The following LRP1B variants were observed in gnomAD, a reference collection of about 807,000 sequenced individuals.
LRP1B encodes the protein low-density lipoprotein receptor-related protein 1B.
In LRP1B, 217 loss-of-function variants were observed where a neutral mutation model predicts 556.6. The ratio of observed to expected loss-of-function variants is 0.39; its 90% CI spans 0.35 to 0.44. LRP1B has a LOEUF of 0.44. Ranked by LOEUF, LRP1B falls within the 20% of genes least tolerant of loss-of-function variation. LRP1B has a pLI of 1.00. For missense variants in LRP1B, 5,053 were observed against 5,620.8 expected, an observed-to-expected ratio of 0.90 and a Z score of 3.23; for synonymous variants, 2,047 against 1,865.8, an observed-to-expected ratio of 1.10 and a Z score of -2.50.
chr2:140,768,886 TTG>T lies in LRP1B; in HGVS notation c.5758+325_5758+326del, dbSNP rs1689205229. ...TTAGTATATAATAGATCAAAATGCT[TTG>T]TATGTCCTTATATTTATAACTAGAT... On this transcript the variant is annotated intron_variant, in intron 35 of 90. Coordinates refer to ENST00000389484, the MANE Select transcript of LRP1B (RefSeq NM_018557.3). 2.0e-5 allele frequency among the ~76,000 whole-genome samples: 3 copies of T among 152,006 alleles called. No individual in the cohort carries two copies. The South Asian group carries it at 6.2e-4, about 32-fold the overall frequency.
chr2:140,322,134 A>T, intron 81 of LRP1B, 46 bp from the exon 82 acceptor site: 1 of 1,555,250 alleles, frequency 6.4e-7, no homozygotes, highest in Admixed American at 2.0e-5. Context: ...TATAGATACA[A>T]TAGGCTTCAA....
At position 141,723,866 on chromosome 2, in the gene LRP1B, A is replaced by T. The variant is rs1692933016; in HGVS notation, c.205+86413T>A. On this transcript the variant is annotated intron_variant, in intron 2 of 90. Coordinates refer to ENST00000389484, the MANE Select transcript of LRP1B (RefSeq NM_018557.3). The stretch of plus-strand genomic sequence containing the variant: ...ACACTAAAATCAAAAGGAAAAATAT[A>T]TATATATATATTCTTACTCAATCCA... 2.0e-5 allele frequency among the ~76,000 whole-genome samples: 3 copies of T among 151,934 alleles called. No homozygotes were observed. The South Asian group carries it at 6.2e-4, about 31-fold the overall frequency.
At chr2:140,377,649 G>A (rs1207148425) in intron 68 of LRP1B, among the ~76,000 whole-genome samples, 1 of 152,100 alleles carries the variant, frequency 6.6e-6, no homozygotes, top group Non-Finnish European at 1.5e-5. Flanking sequence ...ATTATCCAGA[G>A]GATTTGTAAA....
intron 2 of LRP1B, among the ~76,000 whole-genome samples, chr2:141,664,942 C>G (rs1023693639): frequency 1.3e-5 from 2 of 152,080 alleles, no homozygotes; most frequent in African/African-American, 4.8e-5. Context: ...ATCACACTAC[C>G]CAACTTCAAA....
intron 1 of LRP1B, among the ~76,000 whole-genome samples, chr2:141,882,230 G>C (rs1698980538): frequency 6.6e-6 from 1 of 152,178 alleles, no homozygotes; most frequent in South Asian, 2.1e-4. Context: ...ACGGGTTGGA[G>C]AGCAGGCAGG....
chr2:140,351,261 A>G (rs532941961), intron 76 of LRP1B, among the ~76,000 whole-genome samples: 2 of 151,956 alleles, frequency 1.3e-5, no homozygotes, highest in Admixed American at 6.6e-5. Flanking sequence ...TCTACTGCCA[A>G]TCTTTCCTTA....
intron 35 of LRP1B, among the ~76,000 whole-genome samples, chr2:140,763,677 A>G (rs1419678361): frequency 6.6e-6 from 1 of 152,140 alleles, no homozygotes. Context: ...CATGTTTTGA[A>G]TTTAGAAATT....
At chr2:140,732,821 G>A (rs956123595) in intron 35 of LRP1B, among the ~76,000 whole-genome samples, 1 of 152,058 alleles carries the variant, frequency 6.6e-6, no homozygotes, top group African/African-American at 2.4e-5. Context: ...GAGATAAAAG[G>A]AAAACAAGAT....
intron 2 of LRP1B, among the ~76,000 whole-genome samples, chr2:141,514,316 G>A (rs1684232851): frequency 1.3e-5 from 2 of 152,128 alleles, no homozygotes; most frequent in Non-Finnish European, 2.9e-5. Flanking sequence ...TTAGCCCCTT[G>A]GATTTCTCCC....
rs756350659 is a variant in LRP1B, at chr2:140,492,738, C to A, written c.9035-45G>T. ...ACATATTAGACTTTAAGTATGTATG[C>A]TTTTCCCCTTTGCATAATTTCAGTT... On this transcript the variant is annotated intron_variant, in intron 56 of 90. Coordinates refer to ENST00000389484, the MANE Select transcript of LRP1B (RefSeq NM_018557.3). 5.5e-6 allele frequency: 7 copies of A among 1,281,488 alleles called. No homozygotes were observed. In the East Asian group the frequency reaches 1.6e-4, roughly 30 times the overall value. 79.4% of individuals were successfully genotyped at this position (1,281,488 alleles called of 1,614,324 possible). A position where few individuals can be genotyped will look rare whatever the true frequency, so the allele number is the denominator to read the frequency against.
At chr2:140,762,699 A>G (rs990254645) in intron 35 of LRP1B, among the ~76,000 whole-genome samples, 2 of 152,148 alleles carry the variant, frequency 1.3e-5, no homozygotes. Context: ...GATAAAATGA[A>G]ATTAAAGATC....
chr2:141,719,233 A>C (rs924637047), intron 2 of LRP1B, among the ~76,000 whole-genome samples: 2 of 152,170 alleles, frequency 1.3e-5, no homozygotes, highest in African/African-American at 4.8e-5. Context: ...CACTTTCAAC[A>C]GTTAACAATC....
intron 60 of LRP1B, among the ~76,000 whole-genome samples, chr2:140,461,651 A>G (rs1426384880): frequency 1.3e-5 from 2 of 152,030 alleles, no homozygotes; most frequent in Admixed American, 6.6e-5. Flanking sequence ...CCTGATCAAC[A>G]TGGTGAAACC....
At chr2:141,847,850 G>A (rs915966891) in intron 1 of LRP1B, among the ~76,000 whole-genome samples, 26 of 151,646 alleles carry the variant, frequency 1.7e-4, no homozygotes, top group African/African-American at 5.5e-4. Context: ...TGGCAATAGG[G>A]TAAAGTAACT....
At chr2:140,529,629 T>G (rs918768936) in intron 47 of LRP1B, among the ~76,000 whole-genome samples, 1 of 152,020 alleles carries the variant, frequency 6.6e-6, no homozygotes, top group Non-Finnish European at 1.5e-5. Context: ...AGGTTTGCTA[T>G]GAACTTAGGA....
intron 3 of LRP1B, among the ~76,000 whole-genome samples, chr2:141,289,836 T>G (rs1685872822): frequency 2.0e-5 from 3 of 152,206 alleles, no homozygotes; most frequent in Admixed American, 2.0e-4. Flanking sequence ...TCCGAATATT[T>G]GAGTTTTTGA....
chr2:140,778,894 G>A (rs1176402590), intron 32 of LRP1B, among the ~76,000 whole-genome samples: 6 of 151,786 alleles, frequency 4.0e-5, no homozygotes, highest in African/African-American at 1.5e-4. Context: ...CATTGCCACT[G>A]TCCTAATTGT....
chr2:141,147,474 T>C (rs933325845), intron 7 of LRP1B, among the ~76,000 whole-genome samples: 1 of 152,216 alleles, frequency 6.6e-6, no homozygotes, highest in East Asian at 1.9e-4. Context: ...TTTTACGTAT[T>C]AAAATTATGC....
intron 75 of LRP1B, among the ~76,000 whole-genome samples, chr2:140,356,040 A>C (rs1032438699): frequency 3.8e-4 from 58 of 152,036 alleles, no homozygotes; most frequent in African/African-American, 1.2e-3. Flanking sequence ...TAATTCTCCA[A>C]TAGTTCCTGA....
Sources: allele counts gnomAD v4.1 joint callset (sites outside exome capture counted in the v4.1 genomes callset), GRCh38; gene constraint gnomAD v4.1.1; transcripts MANE v1.5; gene names NCBI Gene and HGNC (gene_info 2026-07-23, HGNC 2026-07-21).